The following PCDHGA9 variants were observed in gnomAD, a reference collection of about 807,000 sequenced individuals.
PCDHGA9 encodes the protein protocadherin gamma subfamily A, 9, also known as protocadherin gamma-A9.
A neutral mutation model predicts 62.5 loss-of-function variants in PCDHGA9; 37 were observed. The observed-to-expected ratio is 0.59, with a 90% CI of 0.46 to 0.78. The LOEUF (loss-of-function observed/expected upper bound fraction) is 0.78. Among genes scored for constraint, PCDHGA9 ranks in the 30% least tolerant of loss-of-function variants. PCDHGA9 has a pLI of 0.00. For missense variants in PCDHGA9, 1,138 were observed against 1,166.2 expected, an observed-to-expected ratio of 0.98 and a Z score of 0.35; for synonymous variants, 459 against 484.6, an observed-to-expected ratio of 0.95 and a Z score of 0.69.
chr5:141,421,965 C>T (rs775450008), intron 1 of PCDHGA9: 3 of 1,610,242 alleles, frequency 1.9e-6, no homozygotes, highest in Non-Finnish European at 2.5e-6. Context: ...TTACACAGTC[C>T]GTATATCGCG....
At position 141,432,015 on chromosome 5, in the gene PCDHGA9, A is replaced by G. The variant is rs745405194; in HGVS notation, c.2424+26639A>G. 6.2e-7 allele frequency: 1 copy of G among 1,614,196 alleles called. No individual in the cohort carries two copies. Among genetic ancestry groups the G allele is most frequent in the Admixed American group, 1.7e-5 (1 of 60,032 alleles). On this transcript the variant is annotated intron_variant, in intron 1 of 3. Coordinates refer to ENST00000573521, the MANE Select transcript of PCDHGA9 (RefSeq NM_018921.3). The surrounding 1 kb of genome is among the most constrained non-coding windows in gnomAD (Gnocchi z 6.0). ...GATAGGGAACAGGTTCCTAGCTACA[A>G]CATCACAGTGACCGCCACTGACCGG...
Position 141,485,369 on chromosome 5 carries a change from G to T in PCDHGA9, c.2425-9438G>T. On this transcript the variant is annotated intron_variant, in intron 1 of 3. Transcript: ENST00000573521. This position sits in a 1 kb window ranked among gnomAD's most constrained non-coding sequence, Gnocchi z 5.7. ...CAGTCTGTCAGCTCGCAGGCTGCAG[G>T]TCGCTGGAGAGGTGAACCAAAGACA... 1 of 1,614,154 alleles carries T rather than the reference G, an allele frequency of 6.2e-7. No individual in the cohort carries two copies. The highest frequency in any genetic ancestry group is 1.1e-5 in the South Asian group (1 of 91,088).
chr5:141,450,991 AT>A (rs1351194705), intron 1 of PCDHGA9, among the ~76,000 whole-genome samples: 2 of 150,700 alleles, frequency 1.3e-5, no homozygotes, highest in Non-Finnish European at 1.5e-5. Context: ...CACCCGGCTA[AT>A]TTTTTTGTAT....
At chr5:141,495,558 A>G (rs2099762084) in intron 2 of PCDHGA9, among the ~76,000 whole-genome samples, 1 of 151,662 alleles carries the variant, frequency 6.6e-6, no homozygotes, top group Admixed American at 6.6e-5. Flanking sequence ...TCGCTTTGCA[A>G]TCTCTGCCTC....
In PCDHGA9 at chr5:141,454,516, C is replaced by T. The variant is rs375583922; in HGVS notation, c.2425-40291C>T. On this transcript the variant is annotated intron_variant, in intron 1 of 3. Coordinates refer to ENST00000573521, the MANE Select transcript of PCDHGA9 (RefSeq NM_018921.3). Reference sequence around the variant, plus strand: ...CCACCTCCTGGATTCAGGCAGTTCTCCTGCCTCAGCCTCCCAAGTAGCTGA... The same window carrying T: ...CCACCTCCTGGATTCAGGCAGTTCTTCTGCCTCAGCCTCCCAAGTAGCTGA... Among the ~76,000 whole-genome samples the T allele has an allele frequency of 1.2e-4, 18 of 152,288 alleles. No individual in the cohort carries two copies. In the East Asian group the frequency reaches 3.1e-3, roughly 26 times the overall value.
At chr5:141,465,649 A>C (rs1174371552) in intron 1 of PCDHGA9, among the ~76,000 whole-genome samples, 1 of 152,200 alleles carries the variant, frequency 6.6e-6, no homozygotes, top group African/African-American at 2.4e-5. Context: ...TGAACATCCC[A>C]AAAAAGCGCT....
At chr5:141,460,502 G>A (rs1300155108) in intron 1 of PCDHGA9, among the ~76,000 whole-genome samples, 1 of 152,094 alleles carries the variant, frequency 6.6e-6, no homozygotes, top group Non-Finnish European at 1.5e-5. Flanking sequence ...AAAATATGCT[G>A]AGAAGGCTAT....
chr5:141,476,727 G>A lies in PCDHGA9; in HGVS notation c.2425-18080G>A, dbSNP rs762236731. On this transcript the variant is annotated intron_variant, in intron 1 of 3. Coordinates refer to ENST00000573521, the MANE Select transcript of PCDHGA9 (RefSeq NM_018921.3). This position sits in a 1 kb window ranked among gnomAD's most constrained non-coding sequence, Gnocchi z 7.6. ...CTGGTGTTGGAGCGCGCCCTGGACC[G>A]AGAACGGGAGCCTAGTCTCCAGTTA... 5 of 1,614,108 alleles carry A rather than the reference G, an allele frequency of 3.1e-6. No individual in the cohort carries two copies. Among genetic ancestry groups the A allele is most frequent in the Non-Finnish European group, 4.2e-6 (5 of 1,180,032 alleles).
chr5:141,494,903 G>A (rs760748707), intron 2 of PCDHGA9, 38 bp downstream of exon 2: 39 of 1,613,894 alleles, frequency 2.4e-5, no homozygotes, highest in Non-Finnish European at 3.1e-5. Context: ...TCTTCTCTGC[G>A]GCATTTTCTC....
chr5:141,502,446 C>T (rs541278139), intron 2 of PCDHGA9, among the ~76,000 whole-genome samples: 1 of 152,098 alleles, frequency 6.6e-6, no homozygotes, highest in South Asian at 2.1e-4. Context: ...ATTCAGATTA[C>T]ACACCTTGGT....
chr5:141,414,404 T>A, intron 1 of PCDHGA9: 1 of 1,613,886 alleles, frequency 6.2e-7, no homozygotes, highest in Non-Finnish European at 8.5e-7. Context: ...AGATTGGTGA[T>A]ACACAGAGCC....
chr5:141,417,556 A>G, intron 1 of PCDHGA9: 1 of 333,096 alleles, frequency 3.0e-6, no homozygotes, highest in Non-Finnish European at 5.4e-6. Flanking sequence ...TGAAAGAGGT[A>G]GAGAAAAGTC....
At chr5:141,408,251 C>T (rs761835750) in intron 1 of PCDHGA9, 6 of 1,597,008 alleles carry the variant, frequency 3.8e-6, no homozygotes, top group Middle Eastern at 1.7e-4. Context: ...GCGGCAGGTG[C>T]TATTTCCTTT....
rs779391932 is a variant in PCDHGA9, at chr5:141,419,996, C to T, written c.2424+14620C>T. Reference sequence around the variant, plus strand: ...CCTCGCGGTGATTCTAGCTATTGCTCTACGCCTGCGACAGTCTTTCAGCCC... The same window carrying T: ...CCTCGCGGTGATTCTAGCTATTGCTTTACGCCTGCGACAGTCTTTCAGCCC... On this transcript the variant is annotated intron_variant, in intron 1 of 3. Coordinates refer to ENST00000573521, the MANE Select transcript of PCDHGA9 (RefSeq NM_018921.3). 10 of 1,613,966 alleles carry T rather than the reference C, an allele frequency of 6.2e-6. No homozygotes were observed. In the East Asian group the frequency reaches 2.2e-4, roughly 36 times the overall value.
intron 1 of PCDHGA9, chr5:141,423,913 C>T: frequency 7.9e-7 from 1 of 1,269,552 alleles, no homozygotes; most frequent in Non-Finnish European, 1.0e-6. Context: ...AGGGGCCATT[C>T]AACTATGCTG....
intron 1 of PCDHGA9, chr5:141,427,927 T>C (rs1238523389): frequency 6.3e-7 from 1 of 1,580,112 alleles, no homozygotes; most frequent in Non-Finnish European, 8.7e-7. Context: ...AGCCGGCGCA[T>C]GTTGGTGGGC....
At chr5:141,415,293 C>T in intron 1 of PCDHGA9, 1 of 1,614,192 alleles carries the variant, frequency 6.2e-7, no homozygotes, top group Non-Finnish European at 8.5e-7. Flanking sequence ...CGGTCTCCTG[C>T]GTCTTCCTGG....
In PCDHGA9 at chr5:141,492,378, C is replaced by T. The variant is rs144479033; in HGVS notation, c.2425-2429C>T. Among the ~76,000 whole-genome samples the T allele has an allele frequency of 1.7e-3, 262 of 152,360 alleles. 2 individuals are homozygous for T. The highest frequency in any genetic ancestry group is 3.0e-3 in the Non-Finnish European group (207 of 68,026). On this transcript the variant is annotated intron_variant, in intron 1 of 3. Coordinates refer to ENST00000573521, the MANE Select transcript of PCDHGA9 (RefSeq NM_018921.3). ...CTCGCTCGCGGCCAGATTCACAGGCCTGTTCCGGTCCACTCGCAGCTCCCC... is the reference window on the plus strand; with the variant it reads ...CTCGCTCGCGGCCAGATTCACAGGCTTGTTCCGGTCCACTCGCAGCTCCCC...
At chr5:141,425,521 C>A (rs2096880944) in intron 1 of PCDHGA9, among the ~76,000 whole-genome samples, 1 of 152,210 alleles carries the variant, frequency 6.6e-6, no homozygotes, top group Non-Finnish European at 1.5e-5. Flanking sequence ...TATGATGAAA[C>A]ATGAAACAAT....
Sources: gnomAD v4.1 joint callset for allele counts (sites outside exome capture counted in the v4.1 genomes callset) on GRCh38, gnomAD v4.1.1 for gene constraint, Gnocchi (gnomAD v3.1) non-coding constraint, MANE v1.5 for transcripts, NCBI Gene and HGNC (gene_info 2026-07-23, HGNC 2026-07-21) for gene names.